TIMP2: variants seen among roughly 807,000 people sequenced by gnomAD.
TIMP2 encodes TIMP metallopeptidase inhibitor 2, also known as metalloproteinase inhibitor 2.
TIMP2 carries 5 observed loss-of-function variants against 24.3 expected under a neutral mutation model. That is an observed-to-expected ratio of 0.21 (90% CI 0.11 to 0.43). The LOEUF (loss-of-function observed/expected upper bound fraction) is 0.43, where lower values mean the gene tolerates loss of function less well. Among genes scored for constraint, TIMP2 ranks in the 20% least tolerant of loss-of-function variants. The pLI, the probability that TIMP2 is intolerant of heterozygous loss-of-function variation, is 1.00. For synonymous variants in TIMP2, 130 were observed against 123.2 expected (o/e 1.06, Z -0.37); for missense variants, 221 against 297.5 (o/e 0.74, Z 1.89).
chr17:78,893,432 G>GGT (rs373494208), intron 1 of TIMP2, among the ~76,000 whole-genome samples: 29,668 of 125,798 alleles, frequency 0.24, 7,260 homozygotes, highest in African/African-American at 0.62. Flanking sequence ...TGTGTGCAGG[G>GGT]GTGTGTGCGT....
At chr17:78,861,916 A>G (rs921351157) in intron 3 of TIMP2, among the ~76,000 whole-genome samples, 10 of 152,178 alleles carry the variant, frequency 6.6e-5, no homozygotes, top group African/African-American at 2.4e-4. Context: ...CGTGGCTGTC[A>G]TGTATAAATG....
chr17:78,915,758 G>A (rs1473342639), intron 1 of TIMP2, among the ~76,000 whole-genome samples: 8 of 152,132 alleles, frequency 5.3e-5, no homozygotes, highest in African/African-American at 1.4e-4. Context: ...GACCTCAGGC[G>A]ATCCACATGC....
intron 1 of TIMP2, among the ~76,000 whole-genome samples, chr17:78,910,463 GATTAA>G (rs2070197790): frequency 6.6e-6 from 1 of 152,168 alleles, no homozygotes; most frequent in South Asian, 2.1e-4. Flanking sequence ...AAAGTGTTGG[GATTAA>G]AGGTGTGGGC....
intron 3 of TIMP2, among the ~76,000 whole-genome samples, chr17:78,868,135 G>C (rs1190562656): frequency 1.3e-5 from 2 of 152,126 alleles, no homozygotes; most frequent in East Asian, 1.9e-4. Context: ...ACCTAAACCA[G>C]AAGAAAATCC....
rs1231283892 is a variant in TIMP2, at chr17:78,924,748, C to A, written c.130+211G>T. Among the ~76,000 whole-genome samples the A allele has an allele frequency of 6.6e-6, 1 of 151,984 alleles. No individual in the cohort carries two copies. The highest frequency in any genetic ancestry group is 1.5e-5 in the Non-Finnish European group (1 of 67,984). The stretch of plus-strand genomic sequence containing the variant: ...GGAATTTTGAGGTTGAGACGCATCT[C>A]GGCAAAGAGAGGGAAAGAAAGGGAG... On this transcript the variant is annotated intron_variant, in intron 1 of 4. Coordinates refer to ENST00000262768, the MANE Select transcript of TIMP2 (RefSeq NM_003255.5). The surrounding 1 kb of genome is among the most constrained non-coding windows in gnomAD (Gnocchi z 5.3).
intron 4 of TIMP2, 42 bp downstream of exon 4, chr17:78,857,480 C>G (rs779312892): frequency 6.2e-7 from 1 of 1,613,244 alleles, no homozygotes; most frequent in Non-Finnish European, 8.5e-7. Context: ...TCTGGAGACA[C>G]TGGGAGGAGG....
Position 78,891,089 on chromosome 17 carries a change from T to A in TIMP2, c.131-17170A>T, listed in dbSNP as rs774759246. On this transcript the variant is annotated intron_variant, in intron 1 of 4. Transcript: ENST00000262768. This position sits in a 1 kb window ranked among gnomAD's most constrained non-coding sequence, Gnocchi z 4.5. ...CAGCGTGCCCAGTTTGGGGGTCTCT[T>A]GTCCAGATTCAGTGCTATACAATAA... 1.3e-6 allele frequency: 2 copies of A among 1,550,828 alleles called. No individual in the cohort carries two copies. Among genetic ancestry groups the A allele is most frequent in the Non-Finnish European group, 1.7e-6 (2 of 1,147,080 alleles).
At chr17:78,900,054 A>T (rs1168872484) in intron 1 of TIMP2, 1 of 152,146 alleles carries the variant, frequency 6.6e-6, no homozygotes, top group Non-Finnish European at 1.5e-5. Context: ...CTTTGGGGGA[A>T]ATTTTGGATT....
intron 1 of TIMP2, among the ~76,000 whole-genome samples, chr17:78,907,838 T>G (rs2070174930): frequency 6.6e-6 from 1 of 152,220 alleles, no homozygotes; most frequent in East Asian, 1.9e-4. Flanking sequence ...TCCCCTCATG[T>G]GTCCAAACGT....
chr17:78,861,423 C>G (rs1031076640), intron 3 of TIMP2, among the ~76,000 whole-genome samples: 11 of 152,112 alleles, frequency 7.2e-5, no homozygotes, highest in African/African-American at 2.7e-4. Context: ...TCCACAGTTC[C>G]CTGCACATAG....
At chr17:78,862,593 A>G (rs1337134279) in intron 3 of TIMP2, among the ~76,000 whole-genome samples, 2 of 152,228 alleles carry the variant, frequency 1.3e-5, no homozygotes, top group African/African-American at 4.8e-5. Flanking sequence ...GTCCATGTGC[A>G]GATTTGTTAC....
At chr17:78,922,145 A>C (rs1345249600) in intron 1 of TIMP2, 1 of 152,254 alleles carries the variant, frequency 6.6e-6, no homozygotes, top group Non-Finnish European at 1.5e-5. Context: ...AGCAATCTTT[A>C]AGAATCTTCC....
intron 3 of TIMP2, 96 bp from the exon 4 acceptor site, chr17:78,857,742 G>T: frequency 6.6e-7 from 1 of 1,526,340 alleles, no homozygotes; most frequent in Non-Finnish European, 8.9e-7. Context: ...GGATTTCGTT[G>T]CAACAATCCT....
rs911482060 is a variant in TIMP2 at position 78,854,976 on chromosome 17, G to C, written c.*691C>G. 1 of 150,912 alleles carries C rather than the reference G, an allele frequency of 6.6e-6. No homozygotes were observed. The highest frequency in any genetic ancestry group is 1.5e-5 in the Non-Finnish European group (1 of 67,960). The allele number at this position is 150,912 out of a possible 1,614,324, so 9.3% of individuals were successfully genotyped here. On this transcript the variant is annotated 3_prime_UTR_variant, in exon 5 of 5. Transcript: ENST00000262768. ...GACCAAAAAGACTCAGCTGAGGCTG[G>C]AACGCAGCTCAGCTGGGGTTTCTCG...
Position 78,891,814 on chromosome 17 carries a change from C to T in TIMP2, c.131-17895G>A, listed in dbSNP as rs985115657. ...CACAGCGGCCACCCCCAGACTTGGTCGAAGGTTCTGGCCTTCCCTTTCTCT... is the reference window on the plus strand; with the variant it reads ...CACAGCGGCCACCCCCAGACTTGGTTGAAGGTTCTGGCCTTCCCTTTCTCT... On this transcript the variant is annotated intron_variant, in intron 1 of 4. Transcript: ENST00000262768. This position sits in a 1 kb window ranked among gnomAD's most constrained non-coding sequence, Gnocchi z 4.5. The T allele has an allele frequency of 3.1e-5, 48 of 1,550,792 alleles. No individual in the cohort carries two copies. The African/African-American group carries it at 3.7e-4, about 12-fold the overall frequency.
intron 1 of TIMP2, among the ~76,000 whole-genome samples, chr17:78,882,873 AG>A (rs1229059657): frequency 6.6e-6 from 1 of 152,266 alleles, no homozygotes; most frequent in African/African-American, 2.4e-5. Context: ...TCTGGCCTCA[AG>A]TGACACAGCC....
chr17:78,915,524 TTC>T (rs1331317384), intron 1 of TIMP2, among the ~76,000 whole-genome samples: 79 of 99,840 alleles, frequency 7.9e-4, no homozygotes, highest in Middle Eastern at 5.7e-3. Flanking sequence ...TCTTTTTTTC[TTC>T]TTTTTTTTTT....
intron 3 of TIMP2, among the ~76,000 whole-genome samples, chr17:78,865,085 C>G (rs1021038890): frequency 6.6e-6 from 1 of 152,040 alleles, no homozygotes; most frequent in Non-Finnish European, 1.5e-5. Flanking sequence ...CTGACCCATG[C>G]TACAACATGG....
chr17:78,867,974 T>C (rs1016361127), intron 3 of TIMP2, among the ~76,000 whole-genome samples: 10 of 152,070 alleles, frequency 6.6e-5, no homozygotes, highest in Non-Finnish European at 1.2e-4. Context: ...TCTTTTCCAG[T>C]CTCCCCATTC....
Sources: gnomAD v4.1 joint callset for allele counts (sites outside exome capture counted in the v4.1 genomes callset) on GRCh38, gnomAD v4.1.1 for gene constraint, Gnocchi (gnomAD v3.1) non-coding constraint, MANE v1.5 for transcripts, NCBI Gene and HGNC (gene_info 2026-07-23, HGNC 2026-07-21) for gene names.